Variants in GALNT13 observed in about 807,000 individuals in gnomAD.
GALNT13 encodes the protein polypeptide N-acetylgalactosaminyltransferase 13.
A neutral mutation model predicts 64.2 loss-of-function variants in GALNT13; 28 were observed. The ratio of observed to expected loss-of-function variants is 0.44; its 90% CI spans 0.32 to 0.60. GALNT13 has a LOEUF of 0.60. Ranked by LOEUF, GALNT13 falls within the 20% of genes least tolerant of loss-of-function variation. The pLI is 0.05. For missense variants in GALNT13, 577 were observed against 669.8 expected (o/e 0.86, Z 1.53); for synonymous variants, 214 against 224.6 (o/e 0.95, Z 0.42).
the GALNT13 span, among the ~76,000 whole-genome samples, chr2:153,099,764 T>G: frequency 6.6e-6 from 1 of 152,230 alleles, no homozygotes; most frequent in Non-Finnish European, 1.5e-5. Context: ...CTTTGCATAA[T>G]ACGTGTTGTG....
the GALNT13 span, among the ~76,000 whole-genome samples, chr2:153,325,123 T>TTGTTTTTG: frequency 1.2e-4 from 18 of 144,732 alleles, 1 homozygote; most frequent in East Asian, 2.6e-3. Flanking sequence ...GGTTTTTTTT[T>TTGTTTTTG]TTTTTTTTTT....
At chr2:153,967,651 A>G (rs1574228873) in intron 3 of GALNT13, among the ~76,000 whole-genome samples, 1 of 152,092 alleles carries the variant, frequency 6.6e-6, no homozygotes, top group East Asian at 1.9e-4. Flanking sequence ...GGGTACTCCC[A>G]TGGCTCTCAC....
chr2:153,974,447 ATTCC>A (rs1558883774), intron 3 of GALNT13, among the ~76,000 whole-genome samples: 1 of 152,020 alleles, frequency 6.6e-6, no homozygotes, highest in East Asian at 1.9e-4. Flanking sequence ...ATGGATTTTT[ATTCC>A]TTCCTTCAGT....
chr2:154,003,392 T>G (rs1415116375), intron 3 of GALNT13, among the ~76,000 whole-genome samples: 1 of 152,136 alleles, frequency 6.6e-6, no homozygotes, highest in Non-Finnish European at 1.5e-5. Context: ...GACGTGGGCG[T>G]TTACCAGCTG....
At chr2:153,166,785 G>T in the GALNT13 span, among the ~76,000 whole-genome samples, 3 of 152,274 alleles carry the variant, frequency 2.0e-5, no homozygotes, top group East Asian at 5.8e-4. Flanking sequence ...TGGCCTTCAG[G>T]GTTCAGGCAG....
At chr2:154,126,629 C>T (rs1399294881) in intron 3 of GALNT13, among the ~76,000 whole-genome samples, 10 of 138,394 alleles carry the variant, frequency 7.2e-5, no homozygotes, top group Non-Finnish European at 3.1e-5. Flanking sequence ...AGCGAGACTC[C>T]GTCTCAAAAA....
chr2:153,959,000 G>C (rs986207893), intron 3 of GALNT13, among the ~76,000 whole-genome samples: 2 of 152,246 alleles, frequency 1.3e-5, no homozygotes. Context: ...TTGGCCAAGA[G>C]GGGCTTAAGC....
At chr2:153,363,029 A>G in the GALNT13 span, among the ~76,000 whole-genome samples, 32 of 152,292 alleles carry the variant, frequency 2.1e-4, 1 homozygote, top group South Asian at 3.7e-3. Context: ...ATCATAACAA[A>G]CATTCTCTCA....
At chr2:153,278,183 T>G in the GALNT13 span, among the ~76,000 whole-genome samples, 4 of 152,026 alleles carry the variant, frequency 2.6e-5, no homozygotes, top group African/African-American at 9.7e-5. Context: ...TCTGTCCGCC[T>G]CGGCCTCCCA....
the GALNT13 span, among the ~76,000 whole-genome samples, chr2:153,201,998 G>A: frequency 9.6e-6 from 1 of 103,992 alleles, no homozygotes; most frequent in African/African-American, 3.7e-5. Flanking sequence ...TTTTTTTTGA[G>A]ACGGAGTTTC....
chr2:154,320,795 T>C (rs1694579654), intron 9 of GALNT13, among the ~76,000 whole-genome samples: 1 of 152,146 alleles, frequency 6.6e-6, no homozygotes, highest in African/African-American at 2.4e-5. Flanking sequence ...CTTATTCTGG[T>C]ATTGACAGCC....
chr2:153,384,733 C>A, the GALNT13 span, among the ~76,000 whole-genome samples: 1 of 152,064 alleles, frequency 6.6e-6, no homozygotes, highest in Non-Finnish European at 1.5e-5. Flanking sequence ...TAACTTACAG[C>A]CTCTGCTTTA....
chr2:153,628,659 C>A, the GALNT13 span, among the ~76,000 whole-genome samples: 4 of 151,996 alleles, frequency 2.6e-5, no homozygotes, highest in Non-Finnish European at 5.9e-5. Flanking sequence ...TATTGATTTG[C>A]GTATATTGAA....
At chr2:153,195,841 T>C in the GALNT13 span, among the ~76,000 whole-genome samples, 1 of 152,274 alleles carries the variant, frequency 6.6e-6, no homozygotes, top group Admixed American at 6.5e-5. Context: ...TATTGAGTGA[T>C]AGAACAGCTC....
At chr2:153,162,472 C>T in the GALNT13 span, among the ~76,000 whole-genome samples, 1 of 152,120 alleles carries the variant, frequency 6.6e-6, no homozygotes, top group African/African-American at 2.4e-5. Flanking sequence ...CCCCGAAACT[C>T]TGTAGGGCTT....
the GALNT13 span, among the ~76,000 whole-genome samples, chr2:153,652,707 A>G: frequency 6.6e-6 from 1 of 152,250 alleles, no homozygotes; most frequent in East Asian, 1.9e-4. Flanking sequence ...ATAAAATGCA[A>G]AATCTCACCA....
intron 3 of GALNT13, among the ~76,000 whole-genome samples, chr2:154,014,870 A>T (rs1696899822): frequency 6.6e-6 from 1 of 151,752 alleles, no homozygotes; most frequent in South Asian, 2.1e-4. Flanking sequence ...TGACCTCATG[A>T]TCTGCCCGCC....
chr2:153,249,382 C>T, the GALNT13 span, among the ~76,000 whole-genome samples: 2 of 151,956 alleles, frequency 1.3e-5, no homozygotes, highest in African/African-American at 4.8e-5. Flanking sequence ...AGAGAGGACA[C>T]AAATCAATGG....
At position 153,963,729 on chromosome 2, in the gene GALNT13, CTCTGTGTGTGTGTGTGTGTGTGTG is replaced by C. The variant is rs1374076327; in HGVS notation, c.142+19092_142+19115del. On this transcript the variant is annotated intron_variant, in intron 3 of 12. Coordinates refer to ENST00000392825, the MANE Select transcript of GALNT13 (RefSeq NM_052917.4). ...TCTCTCCGTCTCTCTCTCTCTCTCTCTCTGTGTGTGTGTGTGTGTGTGTGTGTGTGTGTGTGTGTGTGTGTGTGT... is the reference window on the plus strand; with the variant it reads ...TCTCTCCGTCTCTCTCTCTCTCTCTCTGTGTGTGTGTGTGTGTGTGTGTGT... 3.1e-3 allele frequency among the ~76,000 whole-genome samples: 363 copies of C among 117,240 alleles called. 7 individuals are homozygous for C. The East Asian group carries it at 0.095, about 31-fold the overall frequency. The allele number at this position is 117,240 out of a possible 152,430, so 76.9% of individuals were successfully genotyped here.
Sources: allele counts gnomAD v4.1 joint callset (sites outside exome capture counted in the v4.1 genomes callset), GRCh38; gene constraint gnomAD v4.1.1; transcripts MANE v1.5; gene names NCBI Gene and HGNC (gene_info 2026-07-23, HGNC 2026-07-21).